ELMO1: variants seen among roughly 807,000 people sequenced by gnomAD.
ELMO1 encodes the protein engulfment and cell motility protein 1.
A neutral mutation model predicts 98.9 loss-of-function variants in ELMO1; 26 were observed. The observed-to-expected ratio is 0.26, with a 90% confidence interval of 0.19 to 0.36. ELMO1 has a LOEUF of 0.36. Ranked by LOEUF, ELMO1 falls within the 10% of genes least tolerant of loss-of-function variation. ELMO1 has a pLI of 1.00. For missense variants in ELMO1, 627 were observed against 935.2 expected (o/e 0.67, Z 4.30); for synonymous variants, 346 against 346.0 (o/e 1.00, Z 0.00).
chr7:37,044,425 C>T (rs913508557), intron 15 of ELMO1, among the ~76,000 whole-genome samples: 1 of 152,216 alleles, frequency 6.6e-6, no homozygotes, highest in Non-Finnish European at 1.5e-5. Flanking sequence ...TTATTGTCTT[C>T]AGTTAAAAAT....
At chr7:36,937,639 A>G (rs543708492) in intron 16 of ELMO1, among the ~76,000 whole-genome samples, 1 of 152,314 alleles carries the variant, frequency 6.6e-6, no homozygotes, top group East Asian at 1.9e-4. Flanking sequence ...GACATTTAAA[A>G]TCCCTTGTCT....
chr7:36,939,373 CATAGAAG>C (rs1786825034), intron 16 of ELMO1, among the ~76,000 whole-genome samples: 3 of 149,100 alleles, frequency 2.0e-5, no homozygotes, highest in African/African-American at 7.6e-5. Flanking sequence ...TTCATGTACT[CATAGAAG>C]ACTTAACCTA....
At chr7:37,301,194 A>G (rs1329155984) in intron 4 of ELMO1, among the ~76,000 whole-genome samples, 2 of 152,108 alleles carry the variant, frequency 1.3e-5, no homozygotes, top group African/African-American at 4.8e-5. Flanking sequence ...GATGGTAGTG[A>G]GGAAGAGATG....
At chr7:36,937,770 G>T (rs982002474) in intron 16 of ELMO1, among the ~76,000 whole-genome samples, 5 of 152,150 alleles carry the variant, frequency 3.3e-5, no homozygotes, top group Admixed American at 6.5e-5. Context: ...AAATAATAAT[G>T]GTTTGCTCAG....
chr7:37,237,119 C>G (rs1794511381), intron 7 of ELMO1, among the ~76,000 whole-genome samples: 1 of 152,206 alleles, frequency 6.6e-6, no homozygotes, highest in African/African-American at 2.4e-5. Context: ...ACCATGTGTG[C>G]TGGAATGATT....
intron 13 of ELMO1, among the ~76,000 whole-genome samples, chr7:37,210,235 G>A (rs1385948722): frequency 6.6e-6 from 1 of 152,084 alleles, no homozygotes; most frequent in Admixed American, 6.5e-5. Flanking sequence ...TCATGGGTGT[G>A]CATACATTCT....
At chr7:37,082,455 G>C (rs772004182) in intron 15 of ELMO1, among the ~76,000 whole-genome samples, 26 of 152,128 alleles carry the variant, frequency 1.7e-4, no homozygotes, top group Non-Finnish European at 2.9e-4. Flanking sequence ...TGTAATCCCA[G>C]CACTTTGGGA....
At chr7:37,337,874 A>C (rs923788761) in intron 2 of ELMO1, among the ~76,000 whole-genome samples, 3 of 152,230 alleles carry the variant, frequency 2.0e-5, no homozygotes, top group Non-Finnish European at 2.9e-5. Context: ...GATGGAAAAA[A>C]AAAATCACAG....
intron 21 of ELMO1, among the ~76,000 whole-genome samples, chr7:36,860,741 C>T (rs187633084): frequency 6.6e-6 from 1 of 152,254 alleles, no homozygotes; most frequent in Non-Finnish European, 1.5e-5. Flanking sequence ...AAAGTCTTAC[C>T]CTTCAGCAAA....
chr7:37,395,674 G>A (rs1436165204), intron 1 of ELMO1, among the ~76,000 whole-genome samples: 1 of 151,530 alleles, frequency 6.6e-6, no homozygotes, highest in African/African-American at 2.4e-5. Context: ...TTAGAGTCTA[G>A]AAGCAATTAT....
At chr7:37,395,753 T>G (rs550688650) in intron 1 of ELMO1, among the ~76,000 whole-genome samples, 1 of 152,324 alleles carries the variant, frequency 6.6e-6, no homozygotes, top group South Asian at 2.1e-4. Flanking sequence ...CTCTGTTACT[T>G]CTTATTTTAA....
chr7:37,185,167 T>G (rs554713430), intron 13 of ELMO1, among the ~76,000 whole-genome samples: 59 of 152,296 alleles, frequency 3.9e-4, no homozygotes, highest in African/African-American at 1.4e-3. Flanking sequence ...ACAGATTAAG[T>G]TGAATTTGTG....
chr7:37,180,456 GT>G lies in ELMO1; in HGVS notation c.1086+30929del, dbSNP rs750259589. ...CCATGGTCTGTATTCTCCTAGAAAT[GT>G]CAAGGTCAAAGAACACACAGAAAGG... On this transcript the variant is annotated intron_variant, in intron 13 of 21. Transcript: ENST00000310758. Among the ~76,000 whole-genome samples the G allele has an allele frequency of 9.3e-4, 141 of 152,292 alleles. 1 individual carries two copies. Among genetic ancestry groups the G allele is most frequent in the South Asian group, 2.3e-3 (11 of 4,818 alleles).
At chr7:37,222,770 G>A in intron 9 of ELMO1, 77 bp from the exon 10 acceptor site, 1 of 1,399,966 alleles carries the variant, frequency 7.1e-7, no homozygotes, top group South Asian at 1.3e-5. Flanking sequence ...ACCATGAAAA[G>A]GCTCAAAATC....
At chr7:37,220,507 T>C (rs1793532043) in intron 10 of ELMO1, among the ~76,000 whole-genome samples, 1 of 152,170 alleles carries the variant, frequency 6.6e-6, no homozygotes, top group South Asian at 2.1e-4. Flanking sequence ...AGCCAAACTG[T>C]CTCCTGTCAG....
chr7:36,927,134 A>C (rs945252378), intron 16 of ELMO1, among the ~76,000 whole-genome samples: 1 of 152,204 alleles, frequency 6.6e-6, no homozygotes, highest in African/African-American at 2.4e-5. Flanking sequence ...CAACAACCCT[A>C]GGAGTAGATA....
intron 1 of ELMO1, among the ~76,000 whole-genome samples, chr7:37,409,575 G>A (rs140483426): frequency 6.6e-6 from 1 of 152,192 alleles, no homozygotes; most frequent in Non-Finnish European, 1.5e-5. Context: ...GGAAAGTTGA[G>A]GCTAATTGTT....
chr7:37,016,701 C>T (rs550713736), intron 15 of ELMO1, among the ~76,000 whole-genome samples: 3 of 152,160 alleles, frequency 2.0e-5, no homozygotes, highest in South Asian at 2.1e-4. Context: ...CCAGCAGCCA[C>T]GCACCGGGCA....
At chr7:37,171,774 G>A (rs1377316314) in intron 13 of ELMO1, among the ~76,000 whole-genome samples, 4 of 152,022 alleles carry the variant, frequency 2.6e-5, no homozygotes, top group Non-Finnish European at 5.9e-5. Flanking sequence ...TTACAGGCGT[G>A]AGCCACCACG....
Sources: allele counts gnomAD v4.1 joint callset (sites outside exome capture counted in the v4.1 genomes callset), GRCh38; gene constraint gnomAD v4.1.1; transcripts MANE v1.5; gene names NCBI Gene and HGNC (gene_info 2026-07-23, HGNC 2026-07-21).